ALG8: variants seen among roughly 807,000 people sequenced by gnomAD.
The protein encoded by ALG8 is dolichyl pyrophosphate Glc1Man9GlcNAc2 alpha-1,3-glucosyltransferase.
Under a neutral mutation model 70.2 loss-of-function variants are expected in ALG8, and 48 were observed. The observed-to-expected ratio is 0.68, with a 90% CI of 0.54 to 0.87. ALG8 has a LOEUF of 0.87. ALG8 is among the 40% of genes least tolerant of loss of function. ALG8 has a pLI of 0.00. For missense variants in ALG8, 572 were observed against 608.7 expected, an observed-to-expected ratio of 0.94 and a Z score of 0.64; for synonymous variants, 234 against 229.0, an observed-to-expected ratio of 1.02 and a Z score of -0.20.
In ALG8 at chr11:78,107,703, G is replaced by C. The variant is rs116927563; in HGVS notation, c.1039-757C>G. ...AAAATACAAAAAAAACTAGCTGGGCGTGGTGGTACATACCTGTATTCCCAG... is the reference window on the plus strand; with the variant it reads ...AAAATACAAAAAAAACTAGCTGGGCCTGGTGGTACATACCTGTATTCCCAG... On this transcript the variant is annotated intron_variant, in intron 9 of 12. Transcript: ENST00000299626. 6.3e-4 allele frequency: 133 copies of C among 211,394 alleles called. 4 individuals carry two copies. In the East Asian group the frequency reaches 0.023, roughly 36 times the overall value. 13.1% of individuals were successfully genotyped at this position (211,394 alleles called of 1,614,324 possible).
chr11:78,104,182 T>C, intron 11 of ALG8, 130 bp from the exon 12 acceptor site: 1 of 922,982 alleles, frequency 1.1e-6, no homozygotes, highest in Non-Finnish European at 1.6e-6. Context: ...ATTTTACATT[T>C]TTGTGACATC....
intron 5 of ALG8, among the ~76,000 whole-genome samples, chr11:78,116,049 G>C (rs1860547047): frequency 6.6e-6 from 1 of 152,142 alleles, no homozygotes; most frequent in African/African-American, 2.4e-5. Flanking sequence ...GAAAACTAAA[G>C]GTATTCTGAT....
At chr11:78,118,244 A>G (rs1860666553) in intron 5 of ALG8, among the ~76,000 whole-genome samples, 1 of 152,194 alleles carries the variant, frequency 6.6e-6, no homozygotes, top group South Asian at 2.1e-4. Context: ...ACAGTAAAGT[A>G]TCACTATCAT....
At chr11:78,114,238 T>C (rs1225545024) in intron 6 of ALG8, 28 bp downstream of exon 6, 1 of 1,613,578 alleles carries the variant, frequency 6.2e-7, no homozygotes, top group Non-Finnish European at 8.5e-7. Context: ...AAATCGAAAA[T>C]GTTTTTGCTA....
At chr11:78,117,677 C>T (rs974634114) in intron 5 of ALG8, among the ~76,000 whole-genome samples, 11 of 151,370 alleles carry the variant, frequency 7.3e-5, no homozygotes, top group Admixed American at 1.3e-4. Context: ...ACTCAGGAGG[C>T]TGAGGTGAGA....
intron 1 of ALG8, among the ~76,000 whole-genome samples, chr11:78,129,399 G>C (rs946579053): frequency 7.3e-6 from 1 of 136,466 alleles, no homozygotes; most frequent in Non-Finnish European, 1.6e-5. Flanking sequence ...CAGCCTGGGC[G>C]ACAGAGCAAG....
chr11:78,127,543 G>A, intron 1 of ALG8, 107 bp from the exon 2 acceptor site: 1 of 946,566 alleles, frequency 1.1e-6, no homozygotes, highest in South Asian at 1.4e-5. Context: ...AGCTGTCACA[G>A]CTCACTGTCC....
chr11:78,103,856 T>A, intron 12 of ALG8, 124 bp downstream of exon 12: 1 of 529,132 alleles, frequency 1.9e-6, no homozygotes, highest in Non-Finnish European at 3.4e-6. Context: ...TATTTACCAA[T>A]TTTTTTTGTA....
At chr11:78,117,611 CA>C (rs55823839) in intron 5 of ALG8, among the ~76,000 whole-genome samples, 27,032 of 128,464 alleles carry the variant, frequency 0.21, 2,772 homozygotes, top group Middle Eastern at 0.32. Context: ...CCTTCTCTAC[CA>C]AAAAAAAAAA....
intron 10 of ALG8, among the ~76,000 whole-genome samples, chr11:78,105,383 T>C (rs1859973356): frequency 6.6e-6 from 1 of 152,230 alleles, no homozygotes; most frequent in African/African-American, 2.4e-5. Context: ...ATGGTTTTTT[T>C]AGCATGGCAT....
intron 1 of ALG8, among the ~76,000 whole-genome samples, chr11:78,129,499 T>C (rs995892685): frequency 6.6e-6 from 1 of 151,836 alleles, no homozygotes; most frequent in Admixed American, 6.6e-5. Context: ...AACAGCAGAA[T>C]AGCTAAATAA....
chr11:78,104,094 CAGAA>C (rs751065091), intron 11 of ALG8, 42 bp from the exon 12 acceptor site: 24 of 1,246,346 alleles, frequency 1.9e-5, no homozygotes, highest in African/African-American at 3.0e-5. Context: ...TAGCTGATGA[CAGAA>C]AGACTTATGA....
chr11:78,105,451 G>A (rs1362221063), intron 10 of ALG8, among the ~76,000 whole-genome samples: 1 of 151,846 alleles, frequency 6.6e-6, no homozygotes, highest in Non-Finnish European at 1.5e-5. Context: ...TAATTCTTGC[G>A]ACCTGTATGA....
intron 7 of ALG8, 31 bp from the exon 8 acceptor site, chr11:78,112,801 C>A (rs1284732175): frequency 6.2e-7 from 1 of 1,609,610 alleles, no homozygotes. Flanking sequence ...ACTGATTAAA[C>A]AGTCATCAAT....
intron 1 of ALG8, among the ~76,000 whole-genome samples, chr11:78,134,409 A>G (rs1329784355): frequency 6.6e-6 from 1 of 152,194 alleles, no homozygotes; most frequent in Non-Finnish European, 1.5e-5. Context: ...AAACGCTGGG[A>G]TTACAGGCAT....
At chr11:78,113,772 A>C in intron 7 of ALG8, 114 bp downstream of exon 7, 1 of 831,028 alleles carries the variant, frequency 1.2e-6, no homozygotes, top group Non-Finnish European at 1.9e-6. Flanking sequence ...ACGTTGGGTA[A>C]GGAGTAAGAA....
intron 12 of ALG8, among the ~76,000 whole-genome samples, chr11:78,102,178 A>G (rs1859825624): frequency 6.6e-6 from 1 of 152,232 alleles, no homozygotes; most frequent in Admixed American, 6.5e-5. Context: ...ATCCACCTTC[A>G]AAATATTTTC....
chr11:78,112,724 C>A lies in ALG8; in HGVS notation c.824G>T (p.Gly275Val), dbSNP rs121908294. The A allele has an allele frequency of 6.2e-7, 1 of 1,613,918 alleles. No individual in the cohort carries two copies. Among genetic ancestry groups the A allele is most frequent in the Non-Finnish European group, 8.5e-7 (1 of 1,179,968 alleles). ...VFSRLFPFKR[G>V]LCHAYWAPNF... The stretch of plus-strand genomic sequence containing the variant: ...TGGAGCCCAATATGCATGACAGAGG[C>A]CCCTCTTGAAAGGAAAGAGTCGGGA... Residue 275 changes from glycine to valine, a missense_variant, in exon 8 of 13, where the codon GGC (glycine) becomes GTC (valine). By Grantham distance (109) the Gly-to-Val change is moderately radical. Transcript: ENST00000299626.
rs1386035351 is a variant in ALG8, at chr11:78,114,958, A to G, written c.547-566T>C. Among the ~76,000 whole-genome samples the G allele has an allele frequency of 2.6e-5, 4 of 152,220 alleles. No individual in the cohort carries two copies. The East Asian group carries it at 7.7e-4, about 29-fold the overall frequency. ...GACACTGCACTCCAACTTGGGTGACAGAGTGAGACCCTGTCTCCAAAATGA... is the reference window on the plus strand; with the variant it reads ...GACACTGCACTCCAACTTGGGTGACGGAGTGAGACCCTGTCTCCAAAATGA... On this transcript the variant is annotated intron_variant, in intron 5 of 12. Coordinates refer to ENST00000299626, the MANE Select transcript of ALG8 (RefSeq NM_024079.5).
Sources: allele counts gnomAD v4.1 joint callset (sites outside exome capture counted in the v4.1 genomes callset), GRCh38; gene constraint gnomAD v4.1.1; transcripts MANE v1.5; gene names NCBI Gene and HGNC (gene_info 2026-07-23, HGNC 2026-07-21).